The following SGCD variants were observed in gnomAD, a reference collection of about 807,000 sequenced individuals.
SGCD encodes the protein delta-sarcoglycan.
SGCD carries 18 observed loss-of-function variants against 36.6 expected under a neutral mutation model. The ratio of observed to expected loss-of-function variants is 0.49; its 90% CI spans 0.34 to 0.73. The LOEUF is 0.73. SGCD is among the 30% of genes least tolerant of loss of function. The pLI is 0.01. For synonymous variants in SGCD, 133 were observed against 130.6 expected, an observed-to-expected ratio of 1.02 and a Z score of -0.12; for missense variants, 387 against 346.7, an observed-to-expected ratio of 1.12 and a Z score of -0.92.
chr5:156,078,006 G>T (rs1760835964), intron 1 of SGCD, among the ~76,000 whole-genome samples: 1 of 151,964 alleles, frequency 6.6e-6, no homozygotes, highest in South Asian at 2.1e-4. Context: ...TTACACATCT[G>T]GCAGTCTTTT....
intron 1 of SGCD, among the ~76,000 whole-genome samples, chr5:155,931,229 T>A (rs1404516946): frequency 6.6e-6 from 1 of 152,128 alleles, no homozygotes; most frequent in Non-Finnish European, 1.5e-5. Context: ...CTTGTTGGGT[T>A]ATCTTCAGTG....
At chr5:156,526,711 T>C (rs1757656076) in intron 4 of SGCD, among the ~76,000 whole-genome samples, 1 of 152,196 alleles carries the variant, frequency 6.6e-6, no homozygotes, top group African/African-American at 2.4e-5. Flanking sequence ...TTATAACTTA[T>C]TGTGGACGAT....
At chr5:156,273,347 T>C (rs1432139203) in intron 3 of SGCD, among the ~76,000 whole-genome samples, 1 of 152,186 alleles carries the variant, frequency 6.6e-6, no homozygotes, top group African/African-American at 2.4e-5. Context: ...ATAGGCTGAG[T>C]TGAACTCATT....
At chr5:156,176,148 T>C (rs755803191) in intron 3 of SGCD, among the ~76,000 whole-genome samples, 6 of 152,052 alleles carry the variant, frequency 3.9e-5, no homozygotes, top group Non-Finnish European at 7.4e-5. Flanking sequence ...TGTGTGTGTG[T>C]GTGTTTGTGT....
At chr5:156,671,640 A>G (rs1241127378) in intron 7 of SGCD, among the ~76,000 whole-genome samples, 1 of 152,108 alleles carries the variant, frequency 6.6e-6, no homozygotes, top group African/African-American at 2.4e-5. Context: ...GATGGGACTT[A>G]TTGGGTGGCA....
rs532084193 is a variant in SGCD at position 156,606,669 on chromosome 5, C to G, written c.502+11618C>G. On this transcript the variant is annotated intron_variant, in intron 6 of 8. Coordinates refer to ENST00000337851, the MANE Select transcript of SGCD (RefSeq NM_000337.6). ...GCCATTTCCATGATACTGATTCTTC[C>G]TACCCATGAACATGAAATGTTCTTC... Among the ~76,000 whole-genome samples, 3 of 152,298 alleles carry G rather than the reference C, an allele frequency of 2.0e-5. No individual in the cohort carries two copies. The East Asian group carries it at 5.8e-4, about 29-fold the overall frequency.
At position 155,883,477 on chromosome 5, in the gene SGCD, C is replaced by A. The variant is rs113979562; in HGVS notation, c.-282+13053C>A. Among the ~76,000 whole-genome samples, 702 of 152,124 alleles carry A rather than the reference C, an allele frequency of 4.6e-3. 2 individuals are homozygous for A. Among genetic ancestry groups the A allele is most frequent in the Non-Finnish European group, 6.4e-3 (434 of 67,986 alleles). On this transcript the variant is annotated intron_variant, in intron 1 of 9. Transcript: ENST00000517913. Reference sequence around the variant, plus strand: ...AGCCCATTGTAGAGTTATTAATTGGCCTAATTTCAGTAGTATTATGTCTCA... The same window carrying A: ...AGCCCATTGTAGAGTTATTAATTGGACTAATTTCAGTAGTATTATGTCTCA...
chr5:156,688,570 A>G (rs1753993837), intron 7 of SGCD, among the ~76,000 whole-genome samples: 1 of 152,178 alleles, frequency 6.6e-6, no homozygotes, highest in Non-Finnish European at 1.5e-5. Context: ...GAGACAGGAG[A>G]GAAGTAAGAT....
chr5:156,163,481 C>T (rs758875539), intron 3 of SGCD, among the ~76,000 whole-genome samples: 2 of 151,664 alleles, frequency 1.3e-5, no homozygotes, highest in Non-Finnish European at 2.9e-5. Context: ...CATAGTCAGT[C>T]CTCAGCTGTG....
At chr5:156,007,783 A>G (rs1758784763) in intron 1 of SGCD, among the ~76,000 whole-genome samples, 4 of 152,246 alleles carry the variant, frequency 2.6e-5, no homozygotes. Flanking sequence ...AAACAAACAA[A>G]CAAACAAAAA....
At chr5:156,336,498 T>C (rs1431694386) in intron 2 of SGCD, among the ~76,000 whole-genome samples, 3 of 152,236 alleles carry the variant, frequency 2.0e-5, no homozygotes, top group African/African-American at 4.8e-5. Flanking sequence ...TTAAGTTAAA[T>C]ATCATAGATC....
intron 3 of SGCD, among the ~76,000 whole-genome samples, chr5:156,495,474 T>C (rs375938577): frequency 1.5e-3 from 234 of 152,310 alleles, no homozygotes; most frequent in African/African-American, 5.0e-3. Context: ...TAAAAGACAC[T>C]GTCATGTACA....
intron 2 of SGCD, among the ~76,000 whole-genome samples, chr5:156,121,061 G>T (rs538641048): frequency 1.3e-5 from 2 of 152,134 alleles, no homozygotes; most frequent in African/African-American, 4.8e-5. Flanking sequence ...GGCAGCTGGG[G>T]TAGCTGCATA....
chr5:156,041,654 A>G (rs998353249), intron 1 of SGCD, among the ~76,000 whole-genome samples: 6 of 152,232 alleles, frequency 3.9e-5, no homozygotes, highest in Non-Finnish European at 5.9e-5. Flanking sequence ...AAAGATACAC[A>G]CTTGAAGAGA....
intron 3 of SGCD, among the ~76,000 whole-genome samples, chr5:156,286,148 G>A (rs1271632267): frequency 6.6e-6 from 1 of 152,140 alleles, no homozygotes; most frequent in African/African-American, 2.4e-5. Context: ...CAGTTAGAAT[G>A]GTGATCATTA....
chr5:156,184,035 A>T (rs1303721347), intron 3 of SGCD, among the ~76,000 whole-genome samples: 2 of 152,238 alleles, frequency 1.3e-5, no homozygotes, highest in Admixed American at 1.3e-4. Flanking sequence ...CCTACCAAAC[A>T]TCATAGTTTA....
chr5:156,644,790 G>A (rs928770697), intron 6 of SGCD, among the ~76,000 whole-genome samples: 1 of 152,088 alleles, frequency 6.6e-6, no homozygotes, highest in East Asian at 1.9e-4. Flanking sequence ...ATAGAGATAG[G>A]ACTAGATTTC....
rs184292384 is a variant in SGCD, at chr5:156,755,749, G to C, written c.576-1832G>C. On this transcript the variant is annotated intron_variant, in intron 7 of 8. Transcript: ENST00000337851. ...CACCCAAAGGGGTGAGACCACAGAA[G>C]AAAAAATTATTTACATAGAAACTCA... 6.7e-3 allele frequency among the ~76,000 whole-genome samples: 1,025 copies of C among 152,218 alleles called. 5 individuals carry two copies. Among genetic ancestry groups the C allele is most frequent in the Non-Finnish European group, 0.011 (782 of 68,008 alleles).
At chr5:156,209,151 A>G (rs1764369949) in intron 3 of SGCD, among the ~76,000 whole-genome samples, 1 of 152,138 alleles carries the variant, frequency 6.6e-6, no homozygotes, top group Non-Finnish European at 1.5e-5. Context: ...CAAAGCCTGC[A>G]ACCCATTTAC....
Sources: gnomAD v4.1 joint callset for allele counts (sites outside exome capture counted in the v4.1 genomes callset) on GRCh38, gnomAD v4.1.1 for gene constraint, MANE v1.5 for transcripts, NCBI Gene and HGNC (gene_info 2026-07-23, HGNC 2026-07-21) for gene names.